STMN2: variants seen among roughly 807,000 people sequenced by gnomAD.
STMN2 encodes the protein stathmin 2, also known as stathmin-2.
A neutral mutation model predicts 24.1 loss-of-function variants in STMN2; 2 were observed. That is an observed-to-expected ratio of 0.08 (90% CI 0.03 to 0.26). The LOEUF is 0.26. Among genes scored for constraint, STMN2 ranks in the 10% least tolerant of loss-of-function variants. The pLI, the probability that STMN2 is intolerant of heterozygous loss-of-function variation, is 1.00. For synonymous variants in STMN2, 83 were observed against 77.5 expected (o/e 1.07, Z -0.37); for missense variants, 114 against 213.6 (o/e 0.53, Z 2.91).
intron 1 of STMN2, among the ~76,000 whole-genome samples, chr8:79,627,524 A>G (rs1303250003): frequency 3.9e-5 from 6 of 152,252 alleles, no homozygotes; most frequent in African/African-American, 1.4e-4. Context: ...CTTACAGTTT[A>G]TGCATCACTT....
chr8:79,653,732 C>A (rs753749017), intron 3 of STMN2, among the ~76,000 whole-genome samples: 1 of 152,174 alleles, frequency 6.6e-6, no homozygotes, highest in Non-Finnish European at 1.5e-5. Context: ...TTTTGATCAA[C>A]CATTGTTTAG....
intron 1 of STMN2, among the ~76,000 whole-genome samples, chr8:79,612,663 G>A (rs1022666811): frequency 6.6e-6 from 1 of 152,200 alleles, no homozygotes; most frequent in Admixed American, 6.5e-5. Context: ...TGAAAAGGCA[G>A]GGTGGGGCCT....
intron 2 of STMN2, 143 bp downstream of exon 2, chr8:79,637,040 C>T (rs1037804890): frequency 5.6e-6 from 4 of 718,732 alleles, no homozygotes; most frequent in Admixed American, 2.7e-5. Flanking sequence ...GCTATTATGT[C>T]CAATTGATTA....
chr8:79,627,964 T>C (rs1484994429), intron 1 of STMN2, among the ~76,000 whole-genome samples: 1 of 152,188 alleles, frequency 6.6e-6, no homozygotes, highest in African/African-American at 2.4e-5. Context: ...AGTATTCCAT[T>C]GTGTGTATGT....
Position 79,651,019 on chromosome 8 carries a change from T to G in STMN2, c.289-3852T>G, listed in dbSNP as rs143529139. On this transcript the variant is annotated intron_variant, in intron 3 of 4. Coordinates refer to ENST00000220876, the MANE Select transcript of STMN2 (RefSeq NM_007029.4). ...TAAGTATTTCCTTGGGATAGAATGC[T>G]TTCCACCATAATTGACTTGACATCC... Among the ~76,000 whole-genome samples the G allele has an allele frequency of 2.6e-3, 392 of 152,368 alleles. 1 individual carries two copies. The highest frequency in any genetic ancestry group is 8.8e-3 in the African/African-American group (367 of 41,590).
chr8:79,635,446 A>T (rs1251681083), intron 1 of STMN2, among the ~76,000 whole-genome samples: 2 of 152,198 alleles, frequency 1.3e-5, no homozygotes, highest in Non-Finnish European at 2.9e-5. Context: ...TTAAAAAGAC[A>T]CATGTGCTTG....
intron 1 of STMN2, among the ~76,000 whole-genome samples, chr8:79,624,317 G>A (rs1394944349): frequency 1.3e-5 from 2 of 151,886 alleles, no homozygotes; most frequent in Non-Finnish European, 2.9e-5. Context: ...AGCCGGGTGT[G>A]GTGGCGGGTG....
At chr8:79,612,908 C>G (rs1809274807) in intron 1 of STMN2, among the ~76,000 whole-genome samples, 1 of 152,144 alleles carries the variant, frequency 6.6e-6, no homozygotes, top group African/African-American at 2.4e-5. Context: ...CACAACGGCC[C>G]GAGCACCCCT....
chr8:79,638,342 G>A (rs1810014414), intron 2 of STMN2, among the ~76,000 whole-genome samples: 1 of 152,210 alleles, frequency 6.6e-6, no homozygotes, highest in East Asian at 1.9e-4. Flanking sequence ...GAAGTTATGT[G>A]TGAGCTGATT....
intron 3 of STMN2, among the ~76,000 whole-genome samples, chr8:79,653,363 C>A (rs34895246): frequency 6.6e-6 from 1 of 152,030 alleles, no homozygotes; most frequent in Non-Finnish European, 1.5e-5. Context: ...GGTGACAGAG[C>A]GAGACTCTAT....
chr8:79,613,153 CA>C (rs1447511612), intron 1 of STMN2, among the ~76,000 whole-genome samples: 3 of 152,096 alleles, frequency 2.0e-5, no homozygotes, highest in Non-Finnish European at 4.4e-5. Context: ...TCCCCCAGCC[CA>C]AGCCCCCCGC....
intron 4 of STMN2, among the ~76,000 whole-genome samples, chr8:79,661,725 T>G (rs1806505746): frequency 6.6e-6 from 1 of 152,056 alleles, no homozygotes; most frequent in South Asian, 2.1e-4. Context: ...ATTAAGTCAT[T>G]TGGCCAAGAT....
intron 1 of STMN2, among the ~76,000 whole-genome samples, chr8:79,628,486 A>G (rs1289075922): frequency 1.3e-5 from 2 of 152,134 alleles, no homozygotes; most frequent in Non-Finnish European, 2.9e-5. Flanking sequence ...AGGAGCCTCC[A>G]TACTGCTTTC....
intron 1 of STMN2, among the ~76,000 whole-genome samples, chr8:79,612,826 G>C (rs907594133): frequency 2.6e-5 from 4 of 152,034 alleles, no homozygotes; most frequent in Non-Finnish European, 5.9e-5. Context: ...CGAGACTGGC[G>C]GGGAAGAGGA....
At chr8:79,612,791 G>T (rs1035468052) in intron 1 of STMN2, among the ~76,000 whole-genome samples, 5 of 152,136 alleles carry the variant, frequency 3.3e-5, no homozygotes, top group African/African-American at 9.7e-5. Context: ...TACCCTCCCC[G>T]CGGAGCCGGG....
chr8:79,641,298 A>G, intron 2 of STMN2, 80 bp from the exon 3 acceptor site: 1 of 1,468,106 alleles, frequency 6.8e-7, no homozygotes, highest in South Asian at 1.3e-5. Flanking sequence ...GCTACTTCCA[A>G]TTGCTGGAAT....
At chr8:79,626,845 G>T (rs1032741793) in intron 1 of STMN2, among the ~76,000 whole-genome samples, 1 of 152,134 alleles carries the variant, frequency 6.6e-6, no homozygotes, top group East Asian at 1.9e-4. Context: ...AGCAGCAAAC[G>T]AAACCATGGA....
chr8:79,618,532 T>G (rs548350415), intron 1 of STMN2, among the ~76,000 whole-genome samples: 1 of 152,330 alleles, frequency 6.6e-6, no homozygotes, highest in South Asian at 2.1e-4. Context: ...TATTAGATGT[T>G]ATTTCAAGAT....
At chr8:79,624,529 T>C (rs1809607242) in intron 1 of STMN2, among the ~76,000 whole-genome samples, 1 of 150,624 alleles carries the variant, frequency 6.6e-6, no homozygotes, top group Non-Finnish European at 1.5e-5. Context: ...CTGGACTTTG[T>C]GTCCAGCTTG....
Sources: gnomAD v4.1 joint callset for allele counts (sites outside exome capture counted in the v4.1 genomes callset) on GRCh38, gnomAD v4.1.1 for gene constraint, MANE v1.5 for transcripts, NCBI Gene and HGNC (gene_info 2026-07-23, HGNC 2026-07-21) for gene names.